PANX1: variants seen among roughly 807,000 people sequenced by gnomAD.
PANX1 encodes the protein pannexin-1.
PANX1 carries 30 observed loss-of-function variants against 38.7 expected under a neutral mutation model. The ratio of observed to expected loss-of-function variants is 0.78; its 90% CI spans 0.58 to 1.05. The LOEUF (loss-of-function observed/expected upper bound fraction) is 1.05. PANX1 is among the 50% of genes least tolerant of loss of function. The pLI is 0.00. For synonymous variants in PANX1, 230 were observed against 212.2 expected (o/e 1.08, Z -0.73); for missense variants, 551 against 517.2 (o/e 1.07, Z -0.63).
rs766692631 is a variant in PANX1, at chr11:94,153,652, T to C, written c.321+22T>C. ...TAAGGTAAAGGGAGACATTTCCAAA[T>C]AGAACCTGTTTGCTTTATAGATAAG... On this transcript the variant is annotated intron_variant, in intron 2 of 4. Transcript: ENST00000227638. The C allele has an allele frequency of 2.5e-6, 4 of 1,608,492 alleles. No individual in the cohort carries two copies. The South Asian group carries it at 3.3e-5, about 13-fold the overall frequency.
At chr11:94,166,264 AGAT>A (rs1300879557) in intron 2 of PANX1, among the ~76,000 whole-genome samples, 1 of 152,230 alleles carries the variant, frequency 6.6e-6, no homozygotes, top group Non-Finnish European at 1.5e-5. Context: ...CTGTATTTTT[AGAT>A]GATTTCTTGT....
At position 94,162,871 on chromosome 11, in the gene PANX1, C is replaced by CTTTT. The variant is rs59182320; in HGVS notation, c.321+9256_321+9259dup. On this transcript the variant is annotated intron_variant, in intron 2 of 4. Transcript: ENST00000227638. ...GGCCATCTTGGCTCCACCAACCTCT[C>CTTTT]TTTTTTTTTTTTTTTTTTGAGACAG... Among the ~76,000 whole-genome samples the CTTTT allele has an allele frequency of 7.4e-5, 8 of 107,468 alleles. 2 individuals are homozygous for CTTTT. Among genetic ancestry groups the CTTTT allele is most frequent in the East Asian group, 4.9e-4 (2 of 4,068 alleles). The allele number at this position is 107,468 out of a possible 152,430, so 70.5% of individuals were successfully genotyped here.
chr11:94,163,097 T>C (rs369574443), intron 2 of PANX1, among the ~76,000 whole-genome samples: 2 of 152,142 alleles, frequency 1.3e-5, no homozygotes, highest in South Asian at 2.1e-4. Flanking sequence ...GATCCACTTA[T>C]CTTGGCCTTC....
chr11:94,134,305 A>G (rs914829820), intron 1 of PANX1, among the ~76,000 whole-genome samples: 2 of 152,140 alleles, frequency 1.3e-5, no homozygotes, highest in African/African-American at 4.8e-5. Flanking sequence ...ATGCCTCTAG[A>G]AGTGCTGCAC....
At chr11:94,136,657 A>G (rs1033304923) in intron 1 of PANX1, among the ~76,000 whole-genome samples, 19 of 152,128 alleles carry the variant, frequency 1.2e-4, no homozygotes, top group African/African-American at 4.1e-4. Flanking sequence ...AGTCCCAGCT[A>G]CTCAGGAGGC....
Position 94,152,069 on chromosome 11 carries a change from G to A in PANX1, c.182-1422G>A, listed in dbSNP as rs972370411. On this transcript the variant is annotated intron_variant, in intron 1 of 4. Coordinates refer to ENST00000227638, the MANE Select transcript of PANX1 (RefSeq NM_015368.4). ...GTGTCGAGGCCTTTTATGTGCCAGG[G>A]ATTAGGGAAATCCAGCTCCGTAACT... Among the ~76,000 whole-genome samples, 10 of 137,542 alleles carry A rather than the reference G, an allele frequency of 7.3e-5. No individual in the cohort carries two copies. In the East Asian group the frequency reaches 1.9e-3, roughly 27 times the overall value. 90.2% of individuals were successfully genotyped at this position (137,542 alleles called of 152,430 possible). A position where few individuals can be genotyped will look rare whatever the true frequency, so the allele number is the denominator to read the frequency against.
chr11:94,168,693 G>A (rs1206574161), intron 2 of PANX1, among the ~76,000 whole-genome samples: 5 of 151,492 alleles, frequency 3.3e-5, no homozygotes, highest in South Asian at 2.1e-4. Context: ...GGTCACTGTC[G>A]CAGCTACTTA....
At chr11:94,176,633 C>T (rs1947235430) in intron 2 of PANX1, among the ~76,000 whole-genome samples, 1 of 151,542 alleles carries the variant, frequency 6.6e-6, no homozygotes, top group African/African-American at 2.4e-5. Flanking sequence ...CCGTCCACTC[C>T]CAGAAATGTT....
chr11:94,175,920 T>C, intron 2 of PANX1: 1 of 984,090 alleles, frequency 1.0e-6, no homozygotes, highest in Non-Finnish European at 1.2e-6. Flanking sequence ...TTGGGGTCAT[T>C]TGTGCTTATT....
At chr11:94,146,523 A>G (rs1946830548) in intron 1 of PANX1, among the ~76,000 whole-genome samples, 1 of 152,194 alleles carries the variant, frequency 6.6e-6, no homozygotes. Context: ...ACCTTGACTA[A>G]GTGCCCACCA....
chr11:94,180,856 A>T lies in PANX1; in HGVS notation c.1268A>T (p.Asp423Val). Reference protein sequence around the residue: ...GEKNARQRLLDSSC With the variant: ...GEKNARQRLLVSSC ...AAGAATGCCCGACAGAGACTTCTGG[A>T]TTCTTCTTGCTGATGATTTTTTTCC... Residue 423 changes from aspartate to valine, a missense_variant, in exon 5 of 5, where the codon GAT (aspartate) becomes GTT (valine). Transcript: ENST00000227638. 6.3e-7 allele frequency: 1 copy of T among 1,583,998 alleles called. No homozygotes were observed. The highest frequency in any genetic ancestry group is 8.7e-7 in the Non-Finnish European group (1 of 1,152,678).
At chr11:94,146,273 C>T (rs1419858175) in intron 1 of PANX1, among the ~76,000 whole-genome samples, 1 of 152,132 alleles carries the variant, frequency 6.6e-6, no homozygotes, top group Non-Finnish European at 1.5e-5. Flanking sequence ...CATATTGATA[C>T]TAAAAAATCA....
intron 1 of PANX1, among the ~76,000 whole-genome samples, chr11:94,150,875 C>T (rs1399419126): frequency 1.3e-5 from 2 of 152,170 alleles, no homozygotes; most frequent in Non-Finnish European, 2.9e-5. Flanking sequence ...TTAGACCACA[C>T]CCATTCCAAC....
intron 2 of PANX1, among the ~76,000 whole-genome samples, chr11:94,161,827 G>GT (rs1052141652): frequency 3.9e-5 from 6 of 152,146 alleles, no homozygotes; most frequent in African/African-American, 9.7e-5. Context: ...TTTCTGCTCT[G>GT]TTTTTTCCCC....
Position 94,180,944 on chromosome 11 carries a change from G to A in PANX1, c.*75G>A. 2.4e-6 allele frequency: 2 copies of A among 831,736 alleles called. No individual in the cohort carries two copies. The highest frequency in any genetic ancestry group is 4.2e-6 in the Non-Finnish European group (2 of 473,702). 51.5% of individuals were successfully genotyped at this position (831,736 alleles called of 1,614,324 possible). On this transcript the variant is annotated 3_prime_UTR_variant, in exon 5 of 5. Coordinates refer to ENST00000227638, the MANE Select transcript of PANX1 (RefSeq NM_015368.4). Reference sequence around the variant, plus strand: ...TAATTTGGCTAAAGCACCCCTGTTGGTTTCACAGCTGGTTTGCAATAAATG... The same window carrying A: ...TAATTTGGCTAAAGCACCCCTGTTGATTTCACAGCTGGTTTGCAATAAATG...
intron 1 of PANX1, among the ~76,000 whole-genome samples, chr11:94,137,379 A>G (rs1946707745): frequency 1.3e-5 from 2 of 152,152 alleles, no homozygotes; most frequent in Admixed American, 6.5e-5. Flanking sequence ...GATTAGCAAC[A>G]TCCCTTTAAA....
At chr11:94,173,034 T>G (rs569848169) in intron 2 of PANX1, among the ~76,000 whole-genome samples, 1 of 151,864 alleles carries the variant, frequency 6.6e-6, no homozygotes, top group African/African-American at 2.4e-5. Flanking sequence ...GGAGTGCACA[T>G]TAGCTTTCTG....
intron 4 of PANX1, 92 bp downstream of exon 4, chr11:94,180,349 C>A (rs1289562779): frequency 2.8e-6 from 3 of 1,083,364 alleles, no homozygotes; most frequent in Non-Finnish European, 4.0e-6. Context: ...CCCTGCCCAT[C>A]ATTTAAACCA....
chr11:94,173,033 A>G (rs1393167881), intron 2 of PANX1, among the ~76,000 whole-genome samples: 2 of 151,714 alleles, frequency 1.3e-5, no homozygotes, highest in Non-Finnish European at 2.9e-5. Context: ...GGGAGTGCAC[A>G]TTAGCTTTCT....
Sources: allele counts gnomAD v4.1 joint callset (sites outside exome capture counted in the v4.1 genomes callset), GRCh38; gene constraint gnomAD v4.1.1; transcripts MANE v1.5; gene names NCBI Gene and HGNC (gene_info 2026-07-23, HGNC 2026-07-21).